The following HSPA4 variants were observed in gnomAD, a reference collection of about 807,000 sequenced individuals.
HSPA4 encodes the protein heat shock protein family A (Hsp70) member 4, also known as heat shock 70 kDa protein 4.
Under a neutral mutation model 106.2 loss-of-function variants are expected in HSPA4, and 25 were observed. That is an observed-to-expected ratio of 0.24 (90% confidence interval 0.17 to 0.33). The LOEUF is 0.33. Ranked by LOEUF, HSPA4 falls within the 10% of genes least tolerant of loss-of-function variation. HSPA4 has a pLI of 1.00. For synonymous variants in HSPA4, 332 were observed against 333.6 expected (o/e 1.00, Z 0.05); for missense variants, 841 against 996.0 (o/e 0.84, Z 2.10).
At chr5:133,060,156 G>A (rs1364270155) in intron 1 of HSPA4, among the ~76,000 whole-genome samples, 2 of 151,636 alleles carry the variant, frequency 1.3e-5, no homozygotes, top group African/African-American at 2.4e-5. Context: ...GGTGGGGGGA[G>A]GGTTGTGGAA....
chr5:133,097,069 GAAGA>G, intron 14 of HSPA4, 88 bp from the exon 15 acceptor site: 1 of 1,017,020 alleles, frequency 9.8e-7, no homozygotes, highest in Non-Finnish European at 1.4e-6. Flanking sequence ...AGGATTTGGG[GAAGA>G]AAGAGTCTCT....
intron 12 of HSPA4, 141 bp downstream of exon 12, chr5:133,091,515 C>A: frequency 1.7e-6 from 1 of 590,810 alleles, no homozygotes. Context: ...GCCCTTCCCC[C>A]AATATAAGTG....
chr5:133,052,254 T>C lies in HSPA4; in HGVS notation c.4T>C (p.Ser2Pro). The C allele has an allele frequency of 6.3e-7, 1 of 1,587,364 alleles. No individual in the cohort carries two copies. Among genetic ancestry groups the C allele is most frequent in the Non-Finnish European group, 8.5e-7 (1 of 1,170,526 alleles). Residue 2 changes from serine (S) to proline (P), a missense_variant, in exon 1 of 19, where the codon TCG becomes CCG. Around this residue, in one of 5 missense-constraint regions of HSPA4, gnomAD observed 347 missense variants for 408.7 expected, o/e 0.85. Coordinates refer to ENST00000304858, the MANE Select transcript of HSPA4 (RefSeq NM_002154.4). M[S>P]VVGIDLGFQS... ...AGCCCGAGCAGTAGCCGGCGCCATG[T>C]CGGTGGTGGGCATAGACCTGGGCTT...
At position 133,075,616 on chromosome 5, in the gene HSPA4, C is replaced by T. The variant is rs558477236; in HGVS notation, c.664-1038C>T. Among the ~76,000 whole-genome samples, 411 of 151,934 alleles carry T rather than the reference C, an allele frequency of 2.7e-3. 2 individuals are homozygous for T. Among genetic ancestry groups the T allele is most frequent in the African/African-American group, 9.7e-3 (401 of 41,424 alleles). ...GGCTGAGGTGGGGGGATTGCTTGAG[C>T]CCGGAGTTTGAGAACAGCCTGGGCA... On this transcript the variant is annotated intron_variant, in intron 6 of 18. Coordinates refer to ENST00000304858, the MANE Select transcript of HSPA4 (RefSeq NM_002154.4).
intron 7 of HSPA4, among the ~76,000 whole-genome samples, chr5:133,079,466 A>G (rs992052143): frequency 8.5e-5 from 13 of 152,158 alleles, no homozygotes; most frequent in African/African-American, 3.1e-4. Context: ...CTGTATCAGT[A>G]CTTAATTTGT....
chr5:133,073,949 T>C, intron 5 of HSPA4, 44 bp from the exon 6 acceptor site: 1 of 1,389,114 alleles, frequency 7.2e-7, no homozygotes, highest in Admixed American at 2.6e-5. Flanking sequence ...TGAATTTTAT[T>C]TACTTAGACG....
At chr5:133,097,048 G>A (rs1269102213) in intron 14 of HSPA4, 113 bp from the exon 15 acceptor site, 2 of 759,066 alleles carry the variant, frequency 2.6e-6, no homozygotes, top group African/African-American at 3.5e-5. Context: ...TATGTGACTT[G>A]CAGAACTAAA....
intron 5 of HSPA4, among the ~76,000 whole-genome samples, chr5:133,073,760 A>G (rs1765413771): frequency 6.6e-6 from 1 of 152,210 alleles, no homozygotes; most frequent in African/African-American, 2.4e-5. Context: ...GCTTGGAGAA[A>G]ATTATGCCAA....
intron 10 of HSPA4, 78 bp from the exon 11 acceptor site, chr5:133,089,484 A>T: frequency 7.6e-7 from 1 of 1,311,584 alleles, no homozygotes; most frequent in Non-Finnish European, 1.1e-6. Context: ...ACTGTACAAT[A>T]ATTACAAACC....
chr5:133,064,913 C>T, intron 1 of HSPA4, 67 bp from the exon 2 acceptor site: 1 of 1,328,864 alleles, frequency 7.5e-7, no homozygotes, highest in South Asian at 1.2e-5. Context: ...TCAGATCTTG[C>T]CTGCTATGCT....
At position 133,086,726 on chromosome 5, in the gene HSPA4, A is replaced by G. The variant is rs973354724; in HGVS notation, c.909-56A>G. The G allele has an allele frequency of 6.5e-6, 8 of 1,240,246 alleles. No homozygotes were observed. The Admixed American group carries it at 1.4e-4, about 21-fold the overall frequency. 76.8% of individuals were successfully genotyped at this position (1,240,246 alleles called of 1,614,324 possible). A position where few individuals can be genotyped will look rare whatever the true frequency, so the allele number is the denominator to read the frequency against. The stretch of plus-strand genomic sequence containing the variant: ...TTTATTATAGCCATCCATTCCACAT[A>G]AAAGTGGCATGTGATTTAATGTACT... On this transcript the variant is annotated intron_variant, in intron 7 of 18. Coordinates refer to ENST00000304858, the MANE Select transcript of HSPA4 (RefSeq NM_002154.4).
chr5:133,062,358 C>T (rs1305261163), intron 1 of HSPA4, among the ~76,000 whole-genome samples: 1 of 151,992 alleles, frequency 6.6e-6, no homozygotes, highest in African/African-American at 2.4e-5. Flanking sequence ...GTAACATTGC[C>T]TTTTAGTTAT....
Position 133,073,241 on chromosome 5 carries a change from C to A in HSPA4, c.441C>A (p.Phe147Leu). The A allele has an allele frequency of 6.3e-7, 1 of 1,579,544 alleles. No individual in the cohort carries two copies. The highest frequency in any genetic ancestry group is 8.6e-7 in the Non-Finnish European group (1 of 1,162,066). The stretch of plus-strand genomic sequence containing the variant: ...TTTTTTTTTTGTAGGTTCCTTGTTT[C>A]TATACTGATGCAGAAAGACGATCAG... ...VVDCVVSVPC[F>L]YTDAERRSVM... Residue 147 changes from phenylalanine to leucine, a missense_variant, in exon 5 of 19, where the codon TTC becomes TTA. Phe to Leu is a conservative substitution (Grantham distance 22, BLOSUM62 0). Coordinates refer to ENST00000304858, the MANE Select transcript of HSPA4 (RefSeq NM_002154.4).
chr5:133,085,487 A>C lies in HSPA4; in HGVS notation c.909-1295A>C, dbSNP rs940424530. Reference sequence around the variant, plus strand: ...ACCAACATGGTGAAATCCCATCTCTACTAAAAAAAAAAAAATACAAAATTA... The same window carrying C: ...ACCAACATGGTGAAATCCCATCTCTCCTAAAAAAAAAAAAATACAAAATTA... On this transcript the variant is annotated intron_variant, in intron 7 of 18. Transcript: ENST00000304858. Among the ~76,000 whole-genome samples, 16 of 147,322 alleles carry C rather than the reference A, an allele frequency of 1.1e-4. 1 individual carries two copies. The highest frequency in any genetic ancestry group is 1.9e-4 in the Non-Finnish European group (13 of 67,406).
chr5:133,096,187 A>C lies in HSPA4; in HGVS notation c.1740A>C (p.Pro580=), dbSNP rs771956482. The part of the protein sequence containing the change: ...AKVKTSTVDL[P]IENQLLWQID... The stretch of plus-strand genomic sequence containing the variant: ...TGAAGACCAGTACTGTGGACCTGCC[A>C]ATCGAGAATCAGCTATTATGGCAGA... Residue 580 remains proline, a synonymous_variant, in exon 14 of 19, where the codon CCA becomes CCC. Coordinates refer to ENST00000304858, the MANE Select transcript of HSPA4 (RefSeq NM_002154.4). 2.4e-5 allele frequency: 38 copies of C among 1,613,954 alleles called. No individual in the cohort carries two copies. The highest frequency in any genetic ancestry group is 3.2e-5 in the Non-Finnish European group (38 of 1,179,926).
intron 4 of HSPA4, among the ~76,000 whole-genome samples, chr5:133,071,067 C>T (rs562886910): frequency 7.9e-5 from 12 of 152,064 alleles, no homozygotes; most frequent in African/African-American, 2.4e-4. Context: ...TTTTCATCGC[C>T]TAGCATAGCA....
chr5:133,084,254 G>A (rs1444127385), intron 7 of HSPA4, among the ~76,000 whole-genome samples: 2 of 152,124 alleles, frequency 1.3e-5, no homozygotes, highest in Non-Finnish European at 2.9e-5. Context: ...TCATTTGTTT[G>A]TTTCACATGC....
rs112107301 is a variant in HSPA4, at chr5:133,070,507, T to C, written c.429+11T>C. 2.5e-6 allele frequency: 4 copies of C among 1,613,270 alleles called. No homozygotes were observed. In the African/African-American group the frequency reaches 4.0e-5, roughly 16 times the overall value. The stretch of plus-strand genomic sequence containing the variant: ...GACTGTGTTGTTTCGGTGAGTTTGA[T>C]CCCTATACATTATTGGGAATTTGCA... On this transcript the variant is annotated intron_variant, in intron 4 of 18. Transcript: ENST00000304858.
intron 9 of HSPA4, 46 bp from the exon 10 acceptor site, chr5:133,089,009 A>G (rs371883979): frequency 2.1e-6 from 2 of 967,296 alleles, no homozygotes; most frequent in Non-Finnish European, 3.2e-6. Context: ...ATCAGTTTAT[A>G]TTGTCTATAC....
Sources: allele counts gnomAD v4.1 joint callset (sites outside exome capture counted in the v4.1 genomes callset), GRCh38; gene constraint gnomAD v4.1.1; regional missense constraint gnomAD v4.1.1; transcripts MANE v1.5; gene names NCBI Gene and HGNC (gene_info 2026-07-23, HGNC 2026-07-21).